SNTG2: variants seen among roughly 807,000 people sequenced by gnomAD.
SNTG2 encodes gamma-2-syntrophin.
A neutral mutation model predicts 70.9 loss-of-function variants in SNTG2; 74 were observed. The observed-to-expected ratio is 1.04, with a 90% CI of 0.86 to 1.27. SNTG2 has a LOEUF of 1.27. SNTG2 is among the 50% of genes most tolerant of loss of function. The probability of loss-of-function intolerance (pLI) is 0.00; values close to 1 mark genes in which losing one functional copy is unlikely to be tolerated. For synonymous variants in SNTG2, 278 were observed against 273.8 expected, an observed-to-expected ratio of 1.02 and a Z score of -0.15; for missense variants, 717 against 690.7, an observed-to-expected ratio of 1.04 and a Z score of -0.43.
At chr2:972,374 TTG>T (rs2147957340) in intron 1 of SNTG2, among the ~76,000 whole-genome samples, 1 of 152,334 alleles carries the variant, frequency 6.6e-6, no homozygotes, top group East Asian at 1.9e-4. Flanking sequence ...CCCTTTACCA[TTG>T]TATGAGGTCC....
chr2:1,174,176 C>A (rs1671317815), intron 8 of SNTG2, among the ~76,000 whole-genome samples: 1 of 152,088 alleles, frequency 6.6e-6, no homozygotes, highest in South Asian at 2.1e-4. Context: ...AGAATATTGT[C>A]CCTAGCTTTC....
At chr2:1,290,748 G>C (rs1679957712) in intron 14 of SNTG2, among the ~76,000 whole-genome samples, 2 of 152,162 alleles carry the variant, frequency 1.3e-5, no homozygotes, top group South Asian at 4.1e-4. Flanking sequence ...CTCCAACAGT[G>C]GGAAATGCAA....
chr2:1,286,080 G>A (rs1005181432), intron 14 of SNTG2, among the ~76,000 whole-genome samples: 1 of 152,188 alleles, frequency 6.6e-6, no homozygotes, highest in Non-Finnish European at 1.5e-5. Flanking sequence ...AAGTGTCCAG[G>A]TGGCAATCTT....
At chr2:1,347,683 A>T (rs1163608600) in intron 16 of SNTG2, among the ~76,000 whole-genome samples, 1 of 152,164 alleles carries the variant, frequency 6.6e-6, no homozygotes, top group Non-Finnish European at 1.5e-5. Context: ...GAATGGCTGC[A>T]TCTCGCCCAA....
In SNTG2 at chr2:980,977, T is replaced by C. The variant is rs115221082; in HGVS notation, c.72+29909T>C. Among the ~76,000 whole-genome samples, 430 of 152,272 alleles carry C rather than the reference T, an allele frequency of 2.8e-3. 2 individuals are homozygous for C. The highest frequency in any genetic ancestry group is 1.0e-2 in the African/African-American group (415 of 41,548). ...TTTCTTATTTTACTTATAGGGAAAC[T>C]TAGGCAATAAGAAGTTAAATGAGTA... is the stretch of plus-strand genomic sequence containing the variant. On this transcript the variant is annotated intron_variant, in intron 1 of 16. Coordinates refer to ENST00000308624, the MANE Select transcript of SNTG2 (RefSeq NM_018968.4).
chr2:1,209,185 C>G lies in SNTG2; in HGVS notation c.674C>G (p.Ser225Cys), dbSNP rs373126522. Reference protein sequence around the residue: ...RWLDTLSVPLSMARISRYKAG... With the variant: ...RWLDTLSVPLCMARISRYKAG... ...CTGGACACCTTGTCCGTGCCTCTGT[C>G]CATGGCTCGCATCTCAAGGTACAAA... The change falls in exon 9 of 17, where the codon TCC becomes TGC. Residue 225 changes from serine (S) to cysteine (C), a missense_variant. Ser to Cys is a moderately radical substitution (Grantham distance 112, BLOSUM62 -1). Transcript: ENST00000308624. The G allele has an allele frequency of 6.2e-7, 1 of 1,613,954 alleles. No individual in the cohort carries two copies. The highest frequency in any genetic ancestry group is 1.7e-5 in the Admixed American group (1 of 60,012).
At chr2:977,960 A>G (rs1440057340) in intron 1 of SNTG2, among the ~76,000 whole-genome samples, 1 of 152,208 alleles carries the variant, frequency 6.6e-6, no homozygotes, top group African/African-American at 2.4e-5. Flanking sequence ...CGCTGTCATT[A>G]TCTGTAACAT....
Position 1,222,125 on chromosome 2 carries a change from G to C in SNTG2, c.719+12895G>C, listed in dbSNP as rs370558940. On this transcript the variant is annotated intron_variant, in intron 9 of 16. Transcript: ENST00000308624. ...TCTCTGTCTCTCTCTGTCTCTCTCTGTCTCTCTCTGTCTCTCTCTGTCTCT... is the reference window on the plus strand; with the variant it reads ...TCTCTGTCTCTCTCTGTCTCTCTCTCTCTCTCTCTGTCTCTCTCTGTCTCT... 2.2e-4 allele frequency among the ~76,000 whole-genome samples: 17 copies of C among 76,328 alleles called. 1 individual carries two copies. Among genetic ancestry groups the C allele is most frequent in the African/African-American group, 8.3e-4 (11 of 13,214 alleles). 50.1% of individuals were successfully genotyped at this position (76,328 alleles called of 152,430 possible). A position where few individuals can be genotyped will look rare whatever the true frequency, so the allele number is the denominator to read the frequency against.
At chr2:1,101,641 C>T (rs897624486) in intron 4 of SNTG2, among the ~76,000 whole-genome samples, 1 of 152,102 alleles carries the variant, frequency 6.6e-6, no homozygotes. Context: ...GGTGCTGGAG[C>T]CCAGGAGAGC....
At chr2:1,352,532 G>C (rs1344296850) in intron 16 of SNTG2, among the ~76,000 whole-genome samples, 1 of 152,240 alleles carries the variant, frequency 6.6e-6, no homozygotes, top group Non-Finnish European at 1.5e-5. Context: ...CAGTAGGTCA[G>C]GGTGGAGCCT....
intron 6 of SNTG2, among the ~76,000 whole-genome samples, chr2:1,154,883 C>CGT (rs1491133574): frequency 6.6e-6 from 1 of 150,866 alleles, no homozygotes; most frequent in Non-Finnish European, 1.5e-5. Flanking sequence ...ACAAACACAC[C>CGT]ACACACACAA....
chr2:992,641 G>A (rs1021127802), intron 1 of SNTG2, among the ~76,000 whole-genome samples: 2 of 152,154 alleles, frequency 1.3e-5, no homozygotes, highest in African/African-American at 4.8e-5. Context: ...TTAGGACCAG[G>A]AATTTGCTCC....
chr2:1,212,533 T>C (rs1674113405), intron 9 of SNTG2, among the ~76,000 whole-genome samples: 1 of 152,228 alleles, frequency 6.6e-6, no homozygotes, highest in African/African-American at 2.4e-5. Context: ...AAGACAAGAA[T>C]ATTTTGTTTT....
intron 16 of SNTG2, among the ~76,000 whole-genome samples, chr2:1,363,467 G>A (rs1047055629): frequency 6.6e-6 from 1 of 152,052 alleles, no homozygotes; most frequent in East Asian, 1.9e-4. Flanking sequence ...ATTGTATTAG[G>A]CTGACACTCC....
intron 16 of SNTG2, among the ~76,000 whole-genome samples, chr2:1,324,657 C>G (rs1185155364): frequency 1.3e-5 from 2 of 152,174 alleles, no homozygotes; most frequent in East Asian, 1.9e-4. Flanking sequence ...TAAATTTTCT[C>G]TCTCCAGTCC....
intron 16 of SNTG2, among the ~76,000 whole-genome samples, chr2:1,319,356 GA>G (rs552254180): frequency 6.4e-4 from 97 of 151,262 alleles, no homozygotes; most frequent in South Asian, 6.3e-4. Flanking sequence ...AATTTTTTAT[GA>G]AAAAAAAATG....
At chr2:1,085,878 A>C (rs1177157523) in intron 2 of SNTG2, among the ~76,000 whole-genome samples, 1 of 152,342 alleles carries the variant, frequency 6.6e-6, no homozygotes, top group South Asian at 2.1e-4. Flanking sequence ...CTTTTAATTT[A>C]TAAGTCCATG....
At position 1,093,001 on chromosome 2, in the gene SNTG2, C is replaced by T. The variant is rs558117052; in HGVS notation, c.211-5195C>T. On this transcript the variant is annotated intron_variant, in intron 2 of 16. Coordinates refer to ENST00000308624, the MANE Select transcript of SNTG2 (RefSeq NM_018968.4). ...TGAAAATAATTTATTGAACAATTACCTTAGATTGCAACCTCCATTCTGTAG... is the reference window on the plus strand; with the variant it reads ...TGAAAATAATTTATTGAACAATTACTTTAGATTGCAACCTCCATTCTGTAG... Among the ~76,000 whole-genome samples, 217 of 152,162 alleles carry T rather than the reference C, an allele frequency of 1.4e-3. 3 individuals are homozygous for T. The highest frequency in any genetic ancestry group is 5.2e-3 in the African/African-American group (215 of 41,500).
Position 1,197,519 on chromosome 2 carries a change from G to GTATGTATATA in SNTG2, c.592-11583_592-11582insATGTATATAT, listed in dbSNP as rs58615451. 3.0e-3 allele frequency among the ~76,000 whole-genome samples: 244 copies of GTATGTATATA among 81,222 alleles called. 1 individual carries two copies. The highest frequency in any genetic ancestry group is 8.9e-3 in the African/African-American group (220 of 24,750). 53.3% of individuals were successfully genotyped at this position (81,222 alleles called of 152,430 possible). ...TATATATGTGTATGTATATATATGT[G>GTATGTATATA]TGTGTGTGTGTGTGTGTGTGTGTGT... On this transcript the variant is annotated intron_variant, in intron 8 of 16. Transcript: ENST00000308624.
Sources: gnomAD v4.1 joint callset for allele counts (sites outside exome capture counted in the v4.1 genomes callset) on GRCh38, gnomAD v4.1.1 for gene constraint, MANE v1.5 for transcripts, NCBI Gene and HGNC (gene_info 2026-07-23, HGNC 2026-07-21) for gene names.